EML6: variants seen among roughly 807,000 people sequenced by gnomAD.
The protein encoded by EML6 is echinoderm microtubule-associated protein-like 6.
In EML6, 154 loss-of-function variants were observed where a neutral mutation model predicts 240.1. The observed-to-expected ratio is 0.64, with a 90% CI of 0.56 to 0.73. EML6 has a LOEUF of 0.73. Among genes scored for constraint, EML6 ranks in the 30% least tolerant of loss-of-function variants. EML6 has a pLI of 0.00. For missense variants in EML6, 2,964 were observed against 2,474.6 expected, an observed-to-expected ratio of 1.20 and a Z score of -4.20; for synonymous variants, 1,148 against 899.0, an observed-to-expected ratio of 1.28 and a Z score of -4.95.
intron 2 of EML6, among the ~76,000 whole-genome samples, chr2:54,803,016 CCT>C (rs1670263177): frequency 6.6e-6 from 1 of 152,112 alleles, no homozygotes; most frequent in African/African-American, 2.4e-5. Flanking sequence ...AAACAGGTCC[CCT>C]CTTTCCTGCC....
intron 2 of EML6, among the ~76,000 whole-genome samples, chr2:54,727,772 A>G (rs999915498): frequency 6.6e-6 from 1 of 152,222 alleles, no homozygotes; most frequent in African/African-American, 2.4e-5. Flanking sequence ...AGTTTGAAAG[A>G]TATATTCATA....
intron 2 of EML6, among the ~76,000 whole-genome samples, chr2:54,795,658 T>C (rs1467047931): frequency 6.6e-6 from 1 of 152,188 alleles, no homozygotes; most frequent in Non-Finnish European, 1.5e-5. Flanking sequence ...TGTACAGTCA[T>C]GTACATATGC....
At chr2:54,970,041 G>A (rs1177406876) in intron 41 of EML6, 30 bp from the exon 42 acceptor site, 29 of 1,551,338 alleles carry the variant, frequency 1.9e-5, no homozygotes, top group Non-Finnish European at 2.4e-5. Flanking sequence ...GTCCAGCTAT[G>A]CAAAATGACT....
chr2:54,779,660 A>G (rs1159482693), intron 2 of EML6, among the ~76,000 whole-genome samples: 1 of 151,892 alleles, frequency 6.6e-6, no homozygotes, highest in Non-Finnish European at 1.5e-5. Flanking sequence ...TCAGGTGTTC[A>G]AGACAGGCCT....
rs1389608988 is a variant in EML6 at position 54,923,462 on chromosome 2, C to A, written c.3676-4851C>A. On this transcript the variant is annotated intron_variant, in intron 26 of 41. Transcript: ENST00000356458. ...TACCTTGATTGTAGTAATTATTTCA[C>A]AATGTATGCATATATCAGATTCTGT... Among the ~76,000 whole-genome samples, 3 of 151,156 alleles carry A rather than the reference C, an allele frequency of 2.0e-5. No individual in the cohort carries two copies. The East Asian group carries it at 5.8e-4, about 29-fold the overall frequency.
At chr2:54,833,763 C>G (rs967182696) in intron 7 of EML6, among the ~76,000 whole-genome samples, 1 of 152,170 alleles carries the variant, frequency 6.6e-6, no homozygotes, top group South Asian at 2.1e-4. Context: ...GGTGTTCAAA[C>G]AAGTTTCTGT....
intron 2 of EML6, among the ~76,000 whole-genome samples, chr2:54,751,852 C>G (rs527611914): frequency 6.6e-6 from 1 of 152,082 alleles, no homozygotes; most frequent in Non-Finnish European, 1.5e-5. Flanking sequence ...TAGAGGGTAT[C>G]AAAAAGAGGA....
chr2:54,970,446 T>G lies in EML6; in HGVS notation c.*351T>G, dbSNP rs1470924472. On this transcript the variant is annotated 3_prime_UTR_variant, in exon 42 of 42. Coordinates refer to ENST00000356458, the MANE Select transcript of EML6 (RefSeq NM_001039753.4). ...GTTACCCTAACCAATATGTAGCTTTTAATTTGCATCAAAACTTTTACAAAG... is the reference window on the plus strand; with the variant it reads ...GTTACCCTAACCAATATGTAGCTTTGAATTTGCATCAAAACTTTTACAAAG... 4.0e-6 allele frequency: 1 copy of G among 251,926 alleles called. No individual in the cohort carries two copies. Among genetic ancestry groups the G allele is most frequent in the Non-Finnish European group, 7.7e-6 (1 of 129,394 alleles). The allele number at this position is 251,926 out of a possible 1,614,324, so 15.6% of individuals were successfully genotyped here.
At chr2:54,909,523 G>A (rs1673527198) in intron 24 of EML6, among the ~76,000 whole-genome samples, 1 of 152,116 alleles carries the variant, frequency 6.6e-6, no homozygotes, top group South Asian at 2.1e-4. Flanking sequence ...TTTTAGTCAG[G>A]TAGAAGTAGA....
At chr2:54,964,836 A>C in intron 38 of EML6, 103 bp downstream of exon 38, 1 of 1,074,664 alleles carries the variant, frequency 9.3e-7, no homozygotes, top group Middle Eastern at 2.5e-4. Context: ...GCAATGTGCT[A>C]ACTCACTCTT....
chr2:54,784,632 C>G (rs1314989210), intron 2 of EML6, among the ~76,000 whole-genome samples: 1 of 152,132 alleles, frequency 6.6e-6, no homozygotes, highest in Non-Finnish European at 1.5e-5. Flanking sequence ...AGAAGCCTTA[C>G]CAATAACAGA....
chr2:54,728,252 A>T (rs1225637488), intron 2 of EML6, among the ~76,000 whole-genome samples: 1 of 152,228 alleles, frequency 6.6e-6, no homozygotes, highest in Non-Finnish European at 1.5e-5. Flanking sequence ...CTTGGTTTCT[A>T]CTTTAGGTAG....
At chr2:54,872,761 A>T (rs1455898498) in intron 16 of EML6, among the ~76,000 whole-genome samples, 1 of 152,198 alleles carries the variant, frequency 6.6e-6, no homozygotes, top group African/African-American at 2.4e-5. Flanking sequence ...TTCTTTGCTC[A>T]TGCTGTTCTC....
chr2:54,967,041 C>A lies in EML6; in HGVS notation c.5535C>A (p.Pro1845=). ...ATAAGCGCCAGGTGCATGAGGTCCC[C>A]CTGGGGAAGCAGGTAACTGAAGCCG... is the stretch of plus-strand genomic sequence containing the variant. ...GAYKRQVHEV[P]LGKQVTEAVV... The change falls in exon 39 of 42, where the codon CCC becomes CCA. Residue 1845 remains proline, a synonymous_variant. Transcript: ENST00000356458. 6.4e-7 allele frequency: 1 copy of A among 1,551,452 alleles called. No homozygotes were observed. Among genetic ancestry groups the A allele is most frequent in the South Asian group, 1.2e-5 (1 of 84,042 alleles).
intron 2 of EML6, among the ~76,000 whole-genome samples, chr2:54,765,769 T>C (rs1668162556): frequency 6.6e-6 from 1 of 152,234 alleles, no homozygotes; most frequent in Non-Finnish European, 1.5e-5. Flanking sequence ...TTAGTCCCTA[T>C]GGTACCATCT....
intron 7 of EML6, among the ~76,000 whole-genome samples, chr2:54,834,201 A>G (rs1297713960): frequency 6.6e-6 from 1 of 152,188 alleles, no homozygotes; most frequent in African/African-American, 2.4e-5. Context: ...AATGAGGCCC[A>G]GGGTCATTAG....
chr2:54,863,062 C>T (rs980877981), intron 12 of EML6, among the ~76,000 whole-genome samples: 1 of 152,146 alleles, frequency 6.6e-6, no homozygotes, highest in Non-Finnish European at 1.5e-5. Flanking sequence ...TTTCATTTAT[C>T]TCTGATGTCA....
intron 26 of EML6, among the ~76,000 whole-genome samples, chr2:54,925,106 T>G (rs1674472761): frequency 6.6e-6 from 1 of 152,168 alleles, no homozygotes; most frequent in South Asian, 2.1e-4. Flanking sequence ...TAAGATTAAA[T>G]GAGTTTATAA....
chr2:54,958,697 G>C (rs972569663), intron 33 of EML6, among the ~76,000 whole-genome samples: 4 of 152,282 alleles, frequency 2.6e-5, no homozygotes, highest in East Asian at 3.9e-4. Context: ...GCTATGGGGT[G>C]CCCTCAGCCA....
Sources: gnomAD v4.1 joint callset for allele counts (sites outside exome capture counted in the v4.1 genomes callset) on GRCh38, gnomAD v4.1.1 for gene constraint, MANE v1.5 for transcripts, NCBI Gene and HGNC (gene_info 2026-07-23, HGNC 2026-07-21) for gene names.